The following FARP2 variants were observed in gnomAD, a reference collection of about 807,000 sequenced individuals.
FARP2 encodes the protein FERM, ARHGEF and pleckstrin domain-containing protein 2.
Under a neutral mutation model 130.5 loss-of-function variants are expected in FARP2, and 111 were observed. The observed-to-expected ratio is 0.85, with a 90% CI of 0.73 to 1.00. FARP2 has a LOEUF of 1.00. FARP2 is among the 50% of genes least tolerant of loss of function. The pLI is 0.00. For synonymous variants in FARP2, 504 were observed against 516.9 expected (o/e 0.98, Z 0.34); for missense variants, 1,385 against 1,346.3 (o/e 1.03, Z -0.45).
chr2:241,439,568 A>G (rs1275538997), intron 12 of FARP2, among the ~76,000 whole-genome samples: 1 of 151,984 alleles, frequency 6.6e-6, no homozygotes, highest in Non-Finnish European at 1.5e-5. Flanking sequence ...TGAACTCATG[A>G]TCCGCCCGAC....
At chr2:241,462,481 A>G in intron 14 of FARP2, 42 bp from the exon 15 acceptor site, 1 of 1,437,864 alleles carries the variant, frequency 7.0e-7, no homozygotes, top group Admixed American at 1.7e-5. Context: ...GGAGGGTCCC[A>G]TGTCCCAGGG....
intron 24 of FARP2, chr2:241,492,715 CACTTT>C (rs1368245103): frequency 3.8e-6 from 2 of 532,588 alleles, no homozygotes; most frequent in Non-Finnish European, 6.7e-6. Context: ...AAAGGGAACT[CACTTT>C]ACTTGGTGCC....
chr2:241,478,224 CAGG>C (rs2064523266), intron 19 of FARP2: 1 of 156,274 alleles, frequency 6.4e-6, no homozygotes, highest in Non-Finnish European at 1.4e-5. Context: ...TGCTTGAGCC[CAGG>C]AGTTCAACGT....
At chr2:241,483,861 A>G (rs1405027592) in intron 20 of FARP2, 1 of 985,290 alleles carries the variant, frequency 1.0e-6, no homozygotes, top group African/African-American at 1.7e-5. Flanking sequence ...TGATGGCCCA[A>G]TGGCCAGTCG....
intron 10 of FARP2, among the ~76,000 whole-genome samples, chr2:241,434,685 C>G (rs762882034): frequency 3.3e-5 from 5 of 152,136 alleles, no homozygotes; most frequent in Non-Finnish European, 7.3e-5. Context: ...AACCCCATCT[C>G]TACTAAAAAT....
rs774729257 is a variant in FARP2 at position 241,483,578 on chromosome 2, T to C, written c.2331+45T>C. 4.5e-6 allele frequency: 7 copies of C among 1,560,212 alleles called. No homozygotes were observed. In the South Asian group the frequency reaches 7.8e-5, roughly 17 times the overall value. ...AAGCTGTGCTTCCCCCCGAGGGGGA[T>C]GGGCAGCAGTTCTGTTAGGGACATC... On this transcript the variant is annotated intron_variant, in intron 20 of 26. Transcript: ENST00000264042.
At chr2:241,474,130 C>A (rs1331141865) in intron 18 of FARP2, among the ~76,000 whole-genome samples, 2 of 150,958 alleles carry the variant, frequency 1.3e-5, no homozygotes, top group Admixed American at 6.6e-5. Context: ...CACAGTGAAA[C>A]CCCGTCTCTA....
chr2:241,474,305 G>A (rs534384914), intron 18 of FARP2, among the ~76,000 whole-genome samples: 5 of 105,996 alleles, frequency 4.7e-5, no homozygotes, highest in South Asian at 7.4e-4. Context: ...AGCGCAGAGC[G>A]AGATTCCGTC....
intron 2 of FARP2, among the ~76,000 whole-genome samples, chr2:241,402,836 T>TTA (rs1215612816): frequency 0.013 from 223 of 16,792 alleles, 2 homozygotes; most frequent in South Asian, 0.019. Flanking sequence ...CCCAGCTAAT[T>TTA]TATATATATA....
At chr2:241,409,653 T>G (rs976858454) in intron 5 of FARP2, among the ~76,000 whole-genome samples, 1 of 152,224 alleles carries the variant, frequency 6.6e-6, no homozygotes, top group Non-Finnish European at 1.5e-5. Context: ...AGCATAGATG[T>G]GCAATAAACA....
At chr2:241,458,803 T>C (rs1364146239) in intron 14 of FARP2, among the ~76,000 whole-genome samples, 1 of 152,246 alleles carries the variant, frequency 6.6e-6, no homozygotes, top group African/African-American at 2.4e-5. Context: ...TTGTCACATC[T>C]GAGGATAATT....
chr2:241,430,746 TG>T (rs2063070317), intron 8 of FARP2, among the ~76,000 whole-genome samples: 2 of 152,200 alleles, frequency 1.3e-5, no homozygotes, highest in South Asian at 4.1e-4. Context: ...GGGTCATGCC[TG>T]TAATCCCAGC....
intron 6 of FARP2, 65 bp downstream of exon 6, chr2:241,411,195 A>G: frequency 9.1e-7 from 1 of 1,103,142 alleles, no homozygotes; most frequent in Non-Finnish European, 1.4e-6. Flanking sequence ...CGCACTCAGA[A>G]CTACAATTAG....
At chr2:241,376,030 C>T (rs183600110) in intron 2 of FARP2, among the ~76,000 whole-genome samples, 6 of 152,294 alleles carry the variant, frequency 3.9e-5, no homozygotes, top group Admixed American at 3.9e-4. Context: ...TGTTAAGTAA[C>T]AAACCATCCC....
At chr2:241,458,039 G>A (rs1469078138) in intron 14 of FARP2, among the ~76,000 whole-genome samples, 2 of 152,178 alleles carry the variant, frequency 1.3e-5, no homozygotes, top group African/African-American at 4.8e-5. Flanking sequence ...AAGTGACCGA[G>A]CAGAGAAGCT....
intron 5 of FARP2, 43 bp from the exon 6 acceptor site, chr2:241,410,990 A>T (rs781771613): frequency 7.0e-6 from 9 of 1,289,974 alleles, no homozygotes; most frequent in Non-Finnish European, 1.0e-5. Flanking sequence ...CATTCAGAGA[A>T]CATTTGGAAT....
At chr2:241,466,011 A>G in intron 17 of FARP2, 2 of 1,348,118 alleles carry the variant, frequency 1.5e-6, no homozygotes, top group Non-Finnish European at 1.9e-6. Context: ...TGAAATATAC[A>G]CAAATCTGTT....
rs1209788199 is a variant in FARP2 at position 241,441,410 on chromosome 2, T to C, written c.1265T>C (p.Phe422Ser). 113 of 1,614,096 alleles carry C rather than the reference T, an allele frequency of 7.0e-5. 1 individual carries two copies. In the Admixed American group the frequency reaches 1.9e-3, roughly 27 times the overall value. ...STLVPSGLPE[F>S]KDSSSSLTDP... ...CTGGTCCCCTCTGGCCTGCCAGAGT[T>C]TAAGGACAGCAGCAGCTCCCTCACA... The change falls in exon 13 of 27, where the codon TTT becomes TCT. Residue 422 changes from phenylalanine (F) to serine (S), a missense_variant. Physicochemically the swap from Phe to Ser is radical, Grantham distance 155. Transcript: ENST00000264042.
chr2:241,491,013 C>A, intron 22 of FARP2, 48 bp from the exon 23 acceptor site: 1 of 1,452,088 alleles, frequency 6.9e-7, no homozygotes. Flanking sequence ...GGCTGGGGCC[C>A]TACACAAGGA....
Sources: allele counts gnomAD v4.1 joint callset (sites outside exome capture counted in the v4.1 genomes callset), GRCh38; gene constraint gnomAD v4.1.1; transcripts MANE v1.5; gene names NCBI Gene and HGNC (gene_info 2026-07-23, HGNC 2026-07-21).